The following BBX variants were observed in gnomAD, a reference collection of about 807,000 sequenced individuals.
BBX encodes the protein HMG box transcription factor BBX.
Under a neutral mutation model 100.2 loss-of-function variants are expected in BBX, and 30 were observed. The observed-to-expected ratio is 0.30, with a 90% CI of 0.22 to 0.41. The LOEUF (loss-of-function observed/expected upper bound fraction) is 0.41, where lower values mean the gene tolerates loss of function less well. Among genes scored for constraint, BBX ranks in the 10% least tolerant of loss-of-function variants. The pLI is 1.00. For missense variants in BBX, 1,023 were observed against 1,129.8 expected (o/e 0.91, Z 1.35); for synonymous variants, 376 against 388.1 (o/e 0.97, Z 0.37).
intron 13 of BBX, 144 bp downstream of exon 13, chr3:107,778,663 A>G (rs1343549774): frequency 2.2e-6 from 2 of 915,372 alleles, no homozygotes; most frequent in East Asian, 2.7e-5. Flanking sequence ...TTCCAAGATT[A>G]TCTTTGTCCC....
At chr3:107,790,409 G>A (rs1179807313) in intron 14 of BBX, among the ~76,000 whole-genome samples, 4 of 151,850 alleles carry the variant, frequency 2.6e-5, no homozygotes, top group South Asian at 2.1e-4. Flanking sequence ...CTCTTGTTCC[G>A]ACCTCTTTCA....
At chr3:107,656,244 A>G (rs550148475) in intron 3 of BBX, among the ~76,000 whole-genome samples, 2 of 152,198 alleles carry the variant, frequency 1.3e-5, no homozygotes, top group Non-Finnish European at 2.9e-5. Context: ...ATTTTCATGC[A>G]CATAAGCATA....
At chr3:107,545,772 G>C (rs2049188573) in intron 2 of BBX, among the ~76,000 whole-genome samples, 1 of 152,160 alleles carries the variant, frequency 6.6e-6, no homozygotes, top group African/African-American at 2.4e-5. Context: ...GTGCTCCCCT[G>C]GTCCAGTTTG....
chr3:107,608,151 GC>G (rs1317378080), intron 2 of BBX, among the ~76,000 whole-genome samples: 1 of 152,078 alleles, frequency 6.6e-6, no homozygotes, highest in African/African-American at 2.4e-5. Flanking sequence ...CAAAGTCCTG[GC>G]AAGTTTCTCC....
At chr3:107,723,948 A>T (rs559997730) in intron 5 of BBX, among the ~76,000 whole-genome samples, 1 of 152,292 alleles carries the variant, frequency 6.6e-6, no homozygotes, top group African/African-American at 2.4e-5. Context: ...GCTGGGTCAA[A>T]TGGTATTTCC....
intron 2 of BBX, among the ~76,000 whole-genome samples, chr3:107,535,497 T>A (rs2048429178): frequency 1.3e-5 from 2 of 152,116 alleles, no homozygotes; most frequent in Non-Finnish European, 2.9e-5. Flanking sequence ...TTTTAATATT[T>A]ATTAATTCCT....
At chr3:107,763,237 T>A (rs1002934979) in intron 10 of BBX, among the ~76,000 whole-genome samples, 8 of 151,700 alleles carry the variant, frequency 5.3e-5, no homozygotes, top group African/African-American at 1.2e-4. Flanking sequence ...TTTTTTTTTT[T>A]TTTTTGAGAC....
At position 107,710,488 on chromosome 3, in the gene BBX, C is replaced by T. The variant is rs2061648127; in HGVS notation, c.28C>T (p.His10Tyr). 6.2e-7 allele frequency: 1 copy of T among 1,613,340 alleles called. No homozygotes were observed. The highest frequency in any genetic ancestry group is 1.1e-5 in the South Asian group (1 of 91,036). The change falls in exon 4 of 18, where the codon CAT becomes TAT. Residue 10 changes from histidine (H) to tyrosine (Y), a missense_variant. Around this residue, in one of 9 missense-constraint regions of BBX, gnomAD observed 229 missense variants for 226.3 expected, o/e 1.01. Coordinates refer to ENST00000325805, the MANE Select transcript of BBX (RefSeq NM_001142568.3). MKGSNRNKDHSAEGEGVGKR... is the reference protein window; with the variant it reads MKGSNRNKDYSAEGEGVGKR... ...GAAAGGCAGTAATAGAAATAAGGAT[C>T]ATTCAGCAGAAGGAGAAGGGGTTGG...
At chr3:107,561,595 G>A (rs2050502021) in intron 2 of BBX, among the ~76,000 whole-genome samples, 3 of 152,102 alleles carry the variant, frequency 2.0e-5, no homozygotes, top group Admixed American at 6.5e-5. Flanking sequence ...AGTGGTCATA[G>A]AAAATACGCA....
intron 2 of BBX, among the ~76,000 whole-genome samples, chr3:107,620,160 C>G (rs1157969102): frequency 6.6e-6 from 1 of 151,984 alleles, no homozygotes; most frequent in Non-Finnish European, 1.5e-5. Context: ...CCTCTGTCCC[C>G]TCCATTCTAC....
At chr3:107,793,242 G>A (rs1344134782) in intron 15 of BBX, among the ~76,000 whole-genome samples, 1 of 152,120 alleles carries the variant, frequency 6.6e-6, no homozygotes, top group East Asian at 1.9e-4. Context: ...TTTGGGGGCA[G>A]AAAAGTAAAT....
chr3:107,599,354 T>C (rs551358079), intron 2 of BBX: 1 of 152,356 alleles, frequency 6.6e-6, no homozygotes, highest in South Asian at 2.1e-4. Flanking sequence ...GCTGTTCCCC[T>C]ATAAAGCTGG....
chr3:107,728,889 C>T lies in BBX; in HGVS notation c.530C>T (p.Ser177Phe). The change falls in exon 6 of 18, where the codon TCT (serine) becomes TTT (phenylalanine). Residue 177 changes from serine (S) to phenylalanine (F), a missense_variant. Transcript: ENST00000325805. ...RKKLWAFPSD[S>F]SRDLPSPKKA... The stretch of plus-strand genomic sequence containing the variant: ...AAACTTTGGGCCTTCCCATCTGACT[C>T]TTCAAGAGACTTGCCAAGCCCCAAG... 6.2e-7 allele frequency: 1 copy of T among 1,613,948 alleles called. No homozygotes were observed. The highest frequency in any genetic ancestry group is 8.5e-7 in the Non-Finnish European group (1 of 1,179,886).
At chr3:107,753,296 G>T (rs773168726) in intron 9 of BBX, among the ~76,000 whole-genome samples, 4 of 152,116 alleles carry the variant, frequency 2.6e-5, no homozygotes, top group Non-Finnish European at 4.4e-5. Flanking sequence ...AGAAGTTTTT[G>T]ATTTAACTTT....
intron 2 of BBX, among the ~76,000 whole-genome samples, chr3:107,616,006 T>C (rs946372980): frequency 2.5e-5 from 1 of 40,554 alleles, no homozygotes; most frequent in Non-Finnish European, 4.1e-5. Context: ...ACTCACCTGC[T>C]TTTTTTTTTT....
At chr3:107,779,020 T>TATATATACACACACAC (rs1449263925) in intron 13 of BBX, among the ~76,000 whole-genome samples, 1 of 95,814 alleles carries the variant, frequency 1.0e-5, no homozygotes, top group African/African-American at 4.1e-5. Flanking sequence ...TATATATATA[T>TATATATACACACACAC]ACACACACAC....
chr3:107,750,831 T>A (rs546278951), intron 9 of BBX, among the ~76,000 whole-genome samples: 1 of 152,250 alleles, frequency 6.6e-6, no homozygotes, highest in East Asian at 1.9e-4. Flanking sequence ...TTAGAATTAT[T>A]TCATAAAACA....
chr3:107,533,697 A>G (rs921113540), intron 2 of BBX, among the ~76,000 whole-genome samples: 1 of 152,222 alleles, frequency 6.6e-6, no homozygotes, highest in Non-Finnish European at 1.5e-5. Flanking sequence ...TCTGCATAAC[A>G]TTTGAAACCT....
rs536673440 is a variant in BBX at position 107,698,120 on chromosome 3, C to T, written c.-9-12332C>T. Among the ~76,000 whole-genome samples the T allele has an allele frequency of 4.6e-5, 7 of 151,746 alleles. 1 individual carries two copies. The highest frequency in any genetic ancestry group is 2.1e-4 in the South Asian group (1 of 4,826). On this transcript the variant is annotated intron_variant, in intron 3 of 17. Transcript: ENST00000325805. ...ATGGCACTCCCTAGTGAGATGAACC[C>T]GGTACCTCAGATGGAAATGCAGAAA...
Sources: allele counts gnomAD v4.1 joint callset (sites outside exome capture counted in the v4.1 genomes callset), GRCh38; gene constraint gnomAD v4.1.1; regional missense constraint gnomAD v4.1.1; transcripts MANE v1.5; gene names NCBI Gene and HGNC (gene_info 2026-07-23, HGNC 2026-07-21).